INTS4: variants seen among roughly 807,000 people sequenced by gnomAD.
INTS4 encodes the protein integrator complex subunit 4.
Under a neutral mutation model 119.5 loss-of-function variants are expected in INTS4, and 70 were observed. The ratio of observed to expected loss-of-function variants is 0.59; its 90% CI spans 0.48 to 0.71. The LOEUF (loss-of-function observed/expected upper bound fraction) is 0.71. Among genes scored for constraint, INTS4 ranks in the 30% least tolerant of loss-of-function variants. The probability of loss-of-function intolerance (pLI) is 0.00; values close to 1 mark genes in which losing one functional copy is unlikely to be tolerated. For missense variants in INTS4, 867 were observed against 1,173.2 expected (o/e 0.74, Z 3.81); for synonymous variants, 316 against 419.6 (o/e 0.75, Z 3.02).
intron 4 of INTS4, among the ~76,000 whole-genome samples, chr11:77,973,204 T>G (rs1303489315): frequency 2.0e-5 from 3 of 152,242 alleles, no homozygotes; most frequent in Admixed American, 6.5e-5. Flanking sequence ...ATTTTCATAT[T>G]GTTCACTGCA....
At chr11:77,968,535 C>T (rs1253116467) in intron 4 of INTS4, among the ~76,000 whole-genome samples, 1 of 152,140 alleles carries the variant, frequency 6.6e-6, no homozygotes, top group African/African-American at 2.4e-5. Context: ...TAGAGTTTCA[C>T]TTCTGCAAAA....
At chr11:77,878,231 A>G (rs553066289), downstream of INTS4, among the ~76,000 whole-genome samples, 212 of 152,154 alleles carry the variant, frequency 1.4e-3, 1 homozygote, top group Admixed American at 2.1e-3. Context: ...GCGTGGTGAC[A>G]GGCGCCTGTA....
At chr11:77,968,409 C>T (rs764291466) in intron 4 of INTS4, among the ~76,000 whole-genome samples, 3 of 152,126 alleles carry the variant, frequency 2.0e-5, no homozygotes, top group Non-Finnish European at 2.9e-5. Flanking sequence ...ACAAATATTG[C>T]GTGATTCCAC....
At chr11:77,909,156 A>C (rs1953032241) in intron 15 of INTS4, among the ~76,000 whole-genome samples, 1 of 152,250 alleles carries the variant, frequency 6.6e-6, no homozygotes, top group Admixed American at 6.5e-5. Context: ...CTGTAACTCT[A>C]AGGGAAAAAC....
At chr11:77,884,607 T>G (rs1202027223) in intron 21 of INTS4, among the ~76,000 whole-genome samples, 1 of 152,204 alleles carries the variant, frequency 6.6e-6, no homozygotes, top group African/African-American at 2.4e-5. Flanking sequence ...AATATACTTA[T>G]GAAGGCAGAG....
chr11:77,878,035 A>G (rs759121520), downstream of INTS4, among the ~76,000 whole-genome samples: 1 of 152,166 alleles, frequency 6.6e-6, no homozygotes, highest in Non-Finnish European at 1.5e-5. Context: ...TTAAAGCCAT[A>G]GAGGTCCTAA....
chr11:77,953,804 G>A (rs1366939671), intron 8 of INTS4, among the ~76,000 whole-genome samples: 32 of 152,020 alleles, frequency 2.1e-4, no homozygotes, highest in Non-Finnish European at 4.4e-4. Flanking sequence ...GGCTGGTCTC[G>A]AACTCCTGAC....
At chr11:77,898,325 G>T (rs1308630235) in intron 18 of INTS4, among the ~76,000 whole-genome samples, 1 of 152,040 alleles carries the variant, frequency 6.6e-6, no homozygotes, top group African/African-American at 2.4e-5. Context: ...ACCATGCCTG[G>T]CTAATTTTTT....
intron 12 of INTS4, 68 bp from the exon 13 acceptor site, chr11:77,922,539 A>T: frequency 1.5e-6 from 1 of 671,514 alleles, no homozygotes; most frequent in Non-Finnish European, 2.6e-6. Flanking sequence ...AGTACTAGGA[A>T]CTGGAATCAG....
At position 77,981,587 on chromosome 11, in the gene INTS4, A is replaced by C; in HGVS notation, c.247-11T>G. ...AGATGGATCATTCTCCTGGAAAAAA[A>C]GAAGCAATTGTCACTTTGATGCTTT... On this transcript the variant is annotated splice_polypyrimidine_tract_variant and intron_variant, in intron 2 of 22. Transcript: ENST00000534064. 1 of 1,455,772 alleles carries C rather than the reference A, an allele frequency of 6.9e-7. No homozygotes were observed. Among genetic ancestry groups the C allele is most frequent in the Non-Finnish European group, 9.5e-7 (1 of 1,055,192 alleles). 90.2% of individuals were successfully genotyped at this position (1,455,772 alleles called of 1,614,324 possible).
intron 15 of INTS4, among the ~76,000 whole-genome samples, chr11:77,913,658 TC>T (rs1213564839): frequency 6.6e-6 from 1 of 152,192 alleles, no homozygotes; most frequent in African/African-American, 2.4e-5. Context: ...CCAACTATTA[TC>T]TATGTAACTG....
intron 19 of INTS4, among the ~76,000 whole-genome samples, chr11:77,892,181 A>T (rs1952302746): frequency 6.6e-6 from 1 of 152,226 alleles, no homozygotes; most frequent in Non-Finnish European, 1.5e-5. Context: ...AGACCTACGA[A>T]GCGCCAAGCA....
intron 9 of INTS4, 114 bp downstream of exon 9, chr11:77,941,066 C>G (rs1348910685): frequency 2.2e-6 from 3 of 1,381,866 alleles, no homozygotes; most frequent in Non-Finnish European, 1.9e-6. Flanking sequence ...AAATGTAATA[C>G]AGTTATCATG....
Position 77,994,263 on chromosome 11 carries a change from T to C in INTS4, c.54+327A>G, listed in dbSNP as rs920170489. On this transcript the variant is annotated intron_variant, in intron 1 of 22. Coordinates refer to ENST00000534064, the MANE Select transcript of INTS4 (RefSeq NM_033547.4). ...TCGTACCCCTCCGGAAGGCTCAATG[T>C]CCACATCTGGAAAACGAGGATGCTA... 7.9e-5 allele frequency among the ~76,000 whole-genome samples: 12 copies of C among 152,204 alleles called. No homozygotes were observed. The East Asian group carries it at 1.2e-3, about 15-fold the overall frequency.
intron 4 of INTS4, among the ~76,000 whole-genome samples, chr11:77,975,474 A>G (rs1334736883): frequency 6.6e-6 from 1 of 152,018 alleles, no homozygotes. Context: ...ATATTTGTAT[A>G]TAAATTATAT....
At chr11:77,970,260 G>A (rs755622098) in intron 4 of INTS4, among the ~76,000 whole-genome samples, 7 of 152,018 alleles carry the variant, frequency 4.6e-5, no homozygotes, top group Non-Finnish European at 7.4e-5. Flanking sequence ...TTAGCCAGGC[G>A]TAATGATGGG....
At position 77,965,225 on chromosome 11, in the gene INTS4, T is replaced by C. The variant is rs140743628; in HGVS notation, c.472-4087A>G. The stretch of plus-strand genomic sequence containing the variant: ...AGCCACCATGCCCAGCTACTTTTTT[T>C]ACTTCTGTAGAGACAGAGTCTCACC... On this transcript the variant is annotated intron_variant, in intron 4 of 22. Transcript: ENST00000534064. Among the ~76,000 whole-genome samples the C allele has an allele frequency of 3.7e-3, 568 of 152,240 alleles. 3 individuals carry two copies. Among genetic ancestry groups the C allele is most frequent in the African/African-American group, 0.013 (534 of 41,556 alleles).
In INTS4 at chr11:77,901,435, T is replaced by C; in HGVS notation, c.2214A>G (p.Ala738=). The part of the protein sequence containing the change: ...QAKALQLIVT[A]RTTRGLDPLF... ...CCACATCTTACCCTCGTGTAGTTCG[T>C]GCTGTTACTATAAGTTGCAAAGCTT... The change falls in exon 18 of 23, where the codon GCA becomes GCG. Residue 738 remains alanine, a synonymous_variant. Coordinates refer to ENST00000534064, the MANE Select transcript of INTS4 (RefSeq NM_033547.4). 7 of 1,613,974 alleles carry C rather than the reference T, an allele frequency of 4.3e-6. No individual in the cohort carries two copies. Among genetic ancestry groups the C allele is most frequent in the Non-Finnish European group, 5.1e-6 (6 of 1,179,844 alleles).
At chr11:77,918,032 T>C in intron 15 of INTS4, 1 of 701,666 alleles carries the variant, frequency 1.4e-6, no homozygotes, top group Non-Finnish European at 2.6e-6. Context: ...AGATGATACC[T>C]TTCTCTTCCT....
Sources: gnomAD v4.1 joint callset for allele counts (sites outside exome capture counted in the v4.1 genomes callset) on GRCh38, gnomAD v4.1.1 for gene constraint, MANE v1.5 for transcripts, NCBI Gene and HGNC (gene_info 2026-07-23, HGNC 2026-07-21) for gene names.